TXNRD2: variants seen among roughly 807,000 people sequenced by gnomAD.
TXNRD2 encodes the protein thioredoxin reductase 2.
TXNRD2 carries 67 observed loss-of-function variants against 70.8 expected under a neutral mutation model. The ratio of observed to expected loss-of-function variants is 0.95; its 90% confidence interval spans 0.78 to 1.16. TXNRD2 has a LOEUF of 1.16. Among genes scored for constraint, TXNRD2 ranks in the 50% most tolerant of loss-of-function variants. The pLI is 0.00. For synonymous variants in TXNRD2, 301 were observed against 295.8 expected (o/e 1.02, Z -0.18); for missense variants, 644 against 719.9 (o/e 0.89, Z 1.21).
chr22:19,926,604 A>AC (rs1252422471), intron 2 of TXNRD2, among the ~76,000 whole-genome samples: 1 of 151,752 alleles, frequency 6.6e-6, no homozygotes, highest in Admixed American at 6.6e-5. Flanking sequence ...GTATGGTGAA[A>AC]CCCCGTCTCT....
intron 8 of TXNRD2, among the ~76,000 whole-genome samples, chr22:19,907,162 AG>A (rs1940072674): frequency 9.8e-6 from 1 of 102,366 alleles, no homozygotes; most frequent in Non-Finnish European, 1.9e-5. Flanking sequence ...GACCGCTCTC[AG>A]GAGAGTGTGG....
intron 11 of TXNRD2, 141 bp downstream of exon 11, chr22:19,895,266 C>A (rs1418275005): frequency 1.9e-6 from 3 of 1,594,124 alleles, no homozygotes; most frequent in Non-Finnish European, 2.6e-6. Context: ...CGGTTGCTCT[C>A]GAGGTGCACT....
intron 1 of TXNRD2, chr22:19,933,475 G>T (rs1015462818): frequency 2.3e-6 from 3 of 1,289,662 alleles, no homozygotes; most frequent in Non-Finnish European, 3.0e-6. Flanking sequence ...CCATAGCAGG[G>T]CCCTTGTTAG....
chr22:19,896,199 G>A (rs187744778), intron 10 of TXNRD2, among the ~76,000 whole-genome samples: 113 of 151,908 alleles, frequency 7.4e-4, no homozygotes, highest in Admixed American at 5.3e-3. Context: ...CTGGGAGGCT[G>A]AGGCAGGAGA....
intron 8 of TXNRD2, among the ~76,000 whole-genome samples, chr22:19,902,018 G>C (rs148785385): frequency 6.6e-6 from 1 of 152,310 alleles, no homozygotes; most frequent in African/African-American, 2.4e-5. Flanking sequence ...GAGCAATACA[G>C]CTTGTCCCCA....
chr22:19,888,537 C>T (rs1253004772), intron 11 of TXNRD2, among the ~76,000 whole-genome samples: 1 of 152,240 alleles, frequency 6.6e-6, no homozygotes, highest in African/African-American at 2.4e-5. Context: ...GGAGGCAGCG[C>T]CCCAGGTGAG....
At chr22:19,918,102 AGGCCCAGAGGGC>A in intron 5 of TXNRD2, 29 bp downstream of exon 5, 1 of 1,561,960 alleles carries the variant, frequency 6.4e-7, no homozygotes, top group Non-Finnish European at 8.8e-7. Flanking sequence ...GCCCAAGAGA[AGGCCCAGAGGGC>A]GGCCCATTCC....
intron 9 of TXNRD2, among the ~76,000 whole-genome samples, chr22:19,898,354 C>T (rs1156526857): frequency 6.6e-6 from 1 of 152,206 alleles, no homozygotes; most frequent in Non-Finnish European, 1.5e-5. Flanking sequence ...GGCCTCTGCT[C>T]CCATGTGCTG....
chr22:19,899,212 G>C, intron 8 of TXNRD2, 144 bp from the exon 9 acceptor site: 2 of 1,042,828 alleles, frequency 1.9e-6, no homozygotes, highest in Non-Finnish European at 2.9e-6. Context: ...CTTGCCCCAG[G>C]GGACAAAGCC....
chr22:19,878,277 G>C (rs1938600617), intron 15 of TXNRD2, 89 bp downstream of exon 15: 1 of 1,593,176 alleles, frequency 6.3e-7, no homozygotes, highest in African/African-American at 1.3e-5. Flanking sequence ...GGGAGGCATG[G>C]GTGGGGCCAG....
At chr22:19,940,639 T>C (rs2146116578) in intron 1 of TXNRD2, among the ~76,000 whole-genome samples, 1 of 152,302 alleles carries the variant, frequency 6.6e-6, no homozygotes, top group East Asian at 1.9e-4. Flanking sequence ...AAATGCCCTT[T>C]GAACCTTTTT....
intron 3 of TXNRD2, 83 bp downstream of exon 3, chr22:19,919,460 T>C (rs1315212123): frequency 7.8e-7 from 1 of 1,275,200 alleles, no homozygotes; most frequent in Non-Finnish European, 1.1e-6. Context: ...AGGACTTTGG[T>C]GTCAGCTGCC....
intron 12 of TXNRD2, 76 bp downstream of exon 12, chr22:19,883,227 CGTTTCTCTCCTACAGGACGGCA>C: frequency 6.8e-7 from 1 of 1,461,788 alleles, no homozygotes; most frequent in Middle Eastern, 2.5e-4. Context: ...GAGAAAGTGT[CGTTTCTCTCCTACAGGACGGCA>C]GCAGCCGGAG....
At chr22:19,893,601 C>G (rs923296891) in intron 11 of TXNRD2, among the ~76,000 whole-genome samples, 1 of 152,214 alleles carries the variant, frequency 6.6e-6, no homozygotes, top group Admixed American at 6.5e-5. Flanking sequence ...CAGGCCTGGG[C>G]ACAGGTATCC....
chr22:19,883,052 C>G (rs1601388649), intron 12 of TXNRD2, among the ~76,000 whole-genome samples: 1 of 152,278 alleles, frequency 6.6e-6, no homozygotes. Context: ...ACCCATGCCC[C>G]ATTCCCAGCA....
intron 8 of TXNRD2, among the ~76,000 whole-genome samples, chr22:19,909,706 C>T (rs1026884532): frequency 7.4e-6 from 1 of 135,388 alleles, no homozygotes; most frequent in African/African-American, 2.8e-5. Flanking sequence ...TCACACACAC[C>T]ACACACACCA....
intron 8 of TXNRD2, among the ~76,000 whole-genome samples, chr22:19,901,896 C>T (rs1049685448): frequency 7.9e-5 from 12 of 152,216 alleles, no homozygotes; most frequent in Admixed American, 3.9e-4. Context: ...CTCAACTTAC[C>T]GCTGCATTAA....
chr22:19,876,954 GT>G, intron 17 of TXNRD2, 85 bp downstream of exon 17: 1 of 958,646 alleles, frequency 1.0e-6, no homozygotes, highest in Non-Finnish European at 1.5e-6. Context: ...TAGCCTTGCT[GT>G]ACACCTGGAG....
At chr22:19,890,396 G>A (rs536379621) in intron 11 of TXNRD2, among the ~76,000 whole-genome samples, 4 of 152,308 alleles carry the variant, frequency 2.6e-5, no homozygotes, top group South Asian at 2.1e-4. Flanking sequence ...AGGGGCCTCC[G>A]ATCCGTGTCA....
Sources: allele counts gnomAD v4.1 joint callset (sites outside exome capture counted in the v4.1 genomes callset), GRCh38; gene constraint gnomAD v4.1.1; transcripts MANE v1.5; gene names NCBI Gene and HGNC (gene_info 2026-07-23, HGNC 2026-07-21).